The following PCGF5 variants were observed in gnomAD, a reference collection of about 807,000 sequenced individuals.
PCGF5 encodes the protein polycomb group ring finger 5, also known as polycomb group RING finger protein 5.
Under a neutral mutation model 44.3 loss-of-function variants are expected in PCGF5, and 9 were observed. That is an observed-to-expected ratio of 0.20 (90% CI 0.12 to 0.35). PCGF5 has a LOEUF of 0.35. PCGF5 is among the 10% of genes least tolerant of loss of function. The pLI is 1.00. For synonymous variants in PCGF5, 95 were observed against 102.5 expected, an observed-to-expected ratio of 0.93 and a Z score of 0.44; for missense variants, 146 against 305.3, an observed-to-expected ratio of 0.48 and a Z score of 3.89.
At chr10:91,162,392 G>A (rs1415630133), upstream of PCGF5, among the ~76,000 whole-genome samples, 1 of 152,060 alleles carries the variant, frequency 6.6e-6, no homozygotes, top group East Asian at 1.9e-4. Context: ...CGGGTGGAGG[G>A]CAGCTTATAC....
chr10:91,264,376 A>G, intron 7 of PCGF5, 55 bp from the exon 8 acceptor site: 1 of 1,401,550 alleles, frequency 7.1e-7, no homozygotes, highest in East Asian at 2.3e-5. Context: ...AAAATATGCA[A>G]AATACTTTTG....
chr10:91,178,378 T>C (rs1410332215), intron 1 of PCGF5, among the ~76,000 whole-genome samples: 2 of 145,224 alleles, frequency 1.4e-5, no homozygotes, highest in Non-Finnish European at 3.0e-5. Context: ...CTGTTTCTCT[T>C]TCTTTTCTTT....
intron 1 of PCGF5, among the ~76,000 whole-genome samples, chr10:91,182,656 T>C (rs1021401823): frequency 3.3e-5 from 5 of 152,196 alleles, no homozygotes; most frequent in South Asian, 2.1e-4. Flanking sequence ...CTGAGATCTT[T>C]CTAACTTTTT....
chr10:91,158,478 C>CA (rs1843345340), upstream of PCGF5, among the ~76,000 whole-genome samples: 1 of 152,132 alleles, frequency 6.6e-6, no homozygotes, highest in Admixed American at 6.5e-5. Flanking sequence ...TTACTCAAGT[C>CA]AGTCAGTTCA....
At chr10:91,198,842 A>AC (rs1246983364) in intron 1 of PCGF5, among the ~76,000 whole-genome samples, 4 of 152,012 alleles carry the variant, frequency 2.6e-5, no homozygotes, top group Non-Finnish European at 1.5e-5. Context: ...GGTTATTTCT[A>AC]CCCCATGGTC....
chr10:91,230,698 CA>C (rs1258783052), intron 2 of PCGF5, among the ~76,000 whole-genome samples: 1 of 152,134 alleles, frequency 6.6e-6, no homozygotes. Flanking sequence ...CTCCCTACCC[CA>C]CTTCCATCCC....
At chr10:91,237,840 T>C (rs1845209860) in intron 2 of PCGF5, among the ~76,000 whole-genome samples, 1 of 152,126 alleles carries the variant, frequency 6.6e-6, no homozygotes, top group Non-Finnish European at 1.5e-5. Context: ...AACCTCTTTT[T>C]TACCAGCAAA....
intron 1 of PCGF5, among the ~76,000 whole-genome samples, chr10:91,199,812 G>A (rs1042421956): frequency 6.6e-6 from 1 of 152,220 alleles, no homozygotes; most frequent in Non-Finnish European, 1.5e-5. Flanking sequence ...ATAAATTTTA[G>A]TGTGGTTTCC....
chr10:91,214,353 T>C (rs1240173930), intron 1 of PCGF5, among the ~76,000 whole-genome samples: 1 of 149,148 alleles, frequency 6.7e-6, no homozygotes, highest in Non-Finnish European at 1.5e-5. Context: ...GAGAATGTCA[T>C]GCGAAGATAG....
chr10:91,245,833 T>G (rs1345701308), intron 3 of PCGF5, among the ~76,000 whole-genome samples: 2 of 152,098 alleles, frequency 1.3e-5, no homozygotes, highest in Non-Finnish European at 2.9e-5. Flanking sequence ...GAAAGGGATT[T>G]GGAGAGTTAG....
At chr10:91,187,475 C>T (rs879735895) in intron 1 of PCGF5, among the ~76,000 whole-genome samples, 4 of 151,536 alleles carry the variant, frequency 2.6e-5, no homozygotes, top group Non-Finnish European at 5.9e-5. Context: ...AGGTAGAGGT[C>T]GCTATCAGAG....
intron 7 of PCGF5, among the ~76,000 whole-genome samples, chr10:91,263,380 AG>A (rs796433851): frequency 5.3e-5 from 8 of 152,292 alleles, no homozygotes; most frequent in African/African-American, 1.9e-4. Flanking sequence ...AAACATTTTG[AG>A]GTCCGTATAA....
chr10:91,272,469 A>C (rs1050204033), intron 9 of PCGF5, among the ~76,000 whole-genome samples: 1 of 147,752 alleles, frequency 6.8e-6, no homozygotes, highest in Non-Finnish European at 1.5e-5. Context: ...ATATAGCAAG[A>C]CAAAAAAAAA....
upstream of PCGF5, among the ~76,000 whole-genome samples, chr10:91,217,300 G>A (rs1844561587): frequency 6.6e-6 from 1 of 152,214 alleles, no homozygotes; most frequent in East Asian, 1.9e-4. Flanking sequence ...CCGAAGTGCT[G>A]GGATTATAGG....
intron 1 of PCGF5, among the ~76,000 whole-genome samples, chr10:91,196,945 A>C (rs1355813633): frequency 6.6e-6 from 1 of 152,198 alleles, no homozygotes; most frequent in East Asian, 1.9e-4. Context: ...ACAGTCTGTC[A>C]AGGAGCCTCC....
chr10:91,157,239 T>C, the PCGF5 span, among the ~76,000 whole-genome samples: 1 of 152,334 alleles, frequency 6.6e-6, no homozygotes, highest in South Asian at 2.1e-4. Context: ...GTTAGGCACA[T>C]ATACTAACAA....
Position 91,278,390 on chromosome 10 carries a change from G to C in PCGF5, c.*74G>C, listed in dbSNP as rs915721228. 1 of 1,348,086 alleles carries C rather than the reference G, an allele frequency of 7.4e-7. No homozygotes were observed. The allele number at this position is 1,348,086 out of a possible 1,614,324, so 83.5% of individuals were successfully genotyped here. On this transcript the variant is annotated 3_prime_UTR_variant, in exon 10 of 10. Transcript: ENST00000336126. ...CTCGTCAACAGATTGCACAGTTAAC[G>C]GTGTGTGGACTAGAGGAACACAACC...
intron 1 of PCGF5, among the ~76,000 whole-genome samples, chr10:91,176,987 T>C (rs1843718328): frequency 6.6e-6 from 1 of 152,202 alleles, no homozygotes; most frequent in African/African-American, 2.4e-5. Context: ...GCGCCCTGAT[T>C]TTTAGAATTT....
chr10:91,232,101 A>G (rs1057375810), intron 2 of PCGF5, among the ~76,000 whole-genome samples: 1 of 152,172 alleles, frequency 6.6e-6, no homozygotes, highest in Non-Finnish European at 1.5e-5. Flanking sequence ...TAGGAGGACA[A>G]TGGGAATAGT....
Sources: allele counts gnomAD v4.1 joint callset (sites outside exome capture counted in the v4.1 genomes callset), GRCh38; gene constraint gnomAD v4.1.1; transcripts MANE v1.5; gene names NCBI Gene and HGNC (gene_info 2026-07-23, HGNC 2026-07-21).